The following PDCD6IP variants were observed in gnomAD, a reference collection of about 807,000 sequenced individuals.
PDCD6IP encodes the protein programmed cell death 6-interacting protein.
A neutral mutation model predicts 103.7 loss-of-function variants in PDCD6IP; 43 were observed. The ratio of observed to expected loss-of-function variants is 0.41; its 90% CI spans 0.32 to 0.53. The LOEUF (loss-of-function observed/expected upper bound fraction) is 0.53, where lower values mean the gene tolerates loss of function less well. Among genes scored for constraint, PDCD6IP ranks in the 20% least tolerant of loss-of-function variants. The pLI, the probability that PDCD6IP is intolerant of heterozygous loss-of-function variation, is 0.16. For missense variants in PDCD6IP, 871 were observed against 1,036.7 expected, an observed-to-expected ratio of 0.84 and a Z score of 2.20; for synonymous variants, 354 against 378.7, an observed-to-expected ratio of 0.93 and a Z score of 0.76.
chr3:33,840,978 C>T (rs1208548720), intron 9 of PDCD6IP, among the ~76,000 whole-genome samples: 3 of 151,082 alleles, frequency 2.0e-5, no homozygotes, highest in Non-Finnish European at 4.4e-5. Context: ...TGTAAGCCGA[C>T]GATACCTAAT....
chr3:33,863,944 A>G, intron 15 of PDCD6IP, 62 bp from the exon 16 acceptor site: 1 of 1,059,874 alleles, frequency 9.4e-7, no homozygotes, highest in East Asian at 2.4e-5. Flanking sequence ...AGAAAAGCTG[A>G]TATTTTATGT....
chr3:33,867,109 T>A lies in PDCD6IP; in HGVS notation c.*584T>A, dbSNP rs1426223007. ...ATATAAGTTAAACAGATACTGTTTT[T>A]AAGTGCATGAATAGTACAAGTTATT... On this transcript the variant is annotated 3_prime_UTR_variant, in exon 18 of 18. Transcript: ENST00000307296. 6.6e-6 allele frequency: 1 copy of A among 152,200 alleles called. No individual in the cohort carries two copies. The highest frequency in any genetic ancestry group is 2.4e-5 in the African/African-American group (1 of 41,446). 9.4% of individuals were successfully genotyped at this position (152,200 alleles called of 1,614,324 possible).
chr3:33,816,005 T>C (rs918791726), intron 3 of PDCD6IP, among the ~76,000 whole-genome samples: 2 of 152,162 alleles, frequency 1.3e-5, no homozygotes, highest in Non-Finnish European at 2.9e-5. Context: ...AGCTTTCATA[T>C]CTTACAGGAA....
In PDCD6IP at chr3:33,799,096, C is replaced by G. The variant is rs1160993130; in HGVS notation, c.209+159C>G. 31 of 709,150 alleles carry G rather than the reference C, an allele frequency of 4.4e-5. No homozygotes were observed. In the East Asian group the frequency reaches 4.7e-4, roughly 11 times the overall value. The allele number at this position is 709,150 out of a possible 1,614,324, so 43.9% of individuals were successfully genotyped here. On this transcript the variant is annotated intron_variant, in intron 1 of 17. Coordinates refer to ENST00000307296, the MANE Select transcript of PDCD6IP (RefSeq NM_013374.6). ...GTGGTCTGCATTCTTTGCTGGTGAG[C>G]AGGACCCGCCCTGCAGGCCCGCTGT...
chr3:33,816,823 A>T (rs1427844741), intron 3 of PDCD6IP, among the ~76,000 whole-genome samples: 5 of 152,176 alleles, frequency 3.3e-5, no homozygotes, highest in African/African-American at 4.8e-5. Context: ...GATTTTTAGT[A>T]TTGTTATGAC....
At position 33,867,814 on chromosome 3, in the gene PDCD6IP, A is replaced by AT. The variant is rs1259399115; in HGVS notation, c.*1292dup. 2 of 152,104 alleles carry AT rather than the reference A, an allele frequency of 1.3e-5. No individual in the cohort carries two copies. The highest frequency in any genetic ancestry group is 4.8e-5 in the African/African-American group (2 of 41,416). The allele number at this position is 152,104 out of a possible 1,614,324, so 9.4% of individuals were successfully genotyped here. ...ATATGAGCAGATTTCCAGTGAATCT[A>AT]TTTATGTTTATTTTCTGAGTTTCAA... On this transcript the variant is annotated 3_prime_UTR_variant, in exon 18 of 18. Transcript: ENST00000307296.
chr3:33,833,373 T>C (rs772606214), intron 7 of PDCD6IP, among the ~76,000 whole-genome samples: 2 of 152,068 alleles, frequency 1.3e-5, no homozygotes, highest in Non-Finnish European at 2.9e-5. Flanking sequence ...AAATCTTTAA[T>C]TTGTAACAGC....
Position 33,814,879 on chromosome 3 carries a change from CAT to C in PDCD6IP, c.334+1258_334+1259del, listed in dbSNP as rs904056664. Among the ~76,000 whole-genome samples the C allele has an allele frequency of 9.7e-5, 14 of 144,052 alleles. 1 individual carries two copies. In the Middle Eastern group the frequency reaches 0.029, roughly 303 times the overall value. 94.5% of individuals were successfully genotyped at this position (144,052 alleles called of 152,430 possible). A position where few individuals can be genotyped will look rare whatever the true frequency, so the allele number is the denominator to read the frequency against. Reference sequence around the variant, plus strand: ...ATACATATATGTATATACATATATACATATATATTCATGTACACATATACATA... The same window carrying C: ...ATACATATATGTATATACATATATACATATATTCATGTACACATATACATA... On this transcript the variant is annotated intron_variant, in intron 3 of 17. Coordinates refer to ENST00000307296, the MANE Select transcript of PDCD6IP (RefSeq NM_013374.6).
chr3:33,800,289 T>A (rs1301903815), intron 1 of PDCD6IP, among the ~76,000 whole-genome samples: 2 of 152,148 alleles, frequency 1.3e-5, no homozygotes, highest in Non-Finnish European at 2.9e-5. Context: ...GTAATAACAA[T>A]CGTCCGCAAC....
intron 2 of PDCD6IP, among the ~76,000 whole-genome samples, chr3:33,812,379 A>G (rs558868361): frequency 1.4e-4 from 21 of 152,310 alleles, no homozygotes; most frequent in African/African-American, 5.1e-4. Context: ...TGTCAGTAGG[A>G]TCTGTTGACT....
intron 15 of PDCD6IP, among the ~76,000 whole-genome samples, chr3:33,858,840 T>G (rs1017474956): frequency 1.3e-5 from 2 of 151,794 alleles, no homozygotes; most frequent in Admixed American, 6.6e-5. Flanking sequence ...ACAAAAGAAA[T>G]AAACATGCAT....
rs1697538140 is a variant in PDCD6IP at position 33,844,154 on chromosome 3, T to A, written c.1402T>A (p.Leu468Ile). Residue 468 changes from leucine (L) to isoleucine (I), a missense_variant, in exon 11 of 18, where the codon TTA becomes ATA. This residue lies in a region of PDCD6IP where 266 missense variants were observed against 390.5 expected (regional missense o/e 0.68). Transcript: ENST00000307296. Reference sequence around the variant, plus strand: ...TGAAGAAGAAGCAACCGATAATGATTTAAGAGCAAAATTTAAGGAACGTTG... The same window carrying A: ...TGAAGAAGAAGCAACCGATAATGATATAAGAGCAAAATTTAAGGAACGTTG... ...LDEEEATDND[L>I]RAKFKERWQR... The A allele has an allele frequency of 1.2e-6, 2 of 1,608,666 alleles. No homozygotes were observed. Among genetic ancestry groups the A allele is most frequent in the Non-Finnish European group, 1.7e-6 (2 of 1,178,808 alleles).
intron 3 of PDCD6IP, 123 bp downstream of exon 3, chr3:33,813,751 CT>C: frequency 1.6e-6 from 1 of 640,140 alleles, no homozygotes; most frequent in Non-Finnish European, 2.8e-6. Context: ...ATTTCATTCT[CT>C]TTTTAGCTTC....
chr3:33,811,784 A>C (rs1696724354), intron 1 of PDCD6IP, among the ~76,000 whole-genome samples: 2 of 152,272 alleles, frequency 1.3e-5, no homozygotes, highest in African/African-American at 4.8e-5. Context: ...AGTAAGAAAT[A>C]GTATTTTTAA....
chr3:33,829,820 C>A (rs1178916951), intron 7 of PDCD6IP, among the ~76,000 whole-genome samples: 1 of 152,102 alleles, frequency 6.6e-6, no homozygotes, highest in East Asian at 1.9e-4. Context: ...AAATTTGTCA[C>A]AATTCTGAAG....
intron 1 of PDCD6IP, among the ~76,000 whole-genome samples, chr3:33,808,857 C>G (rs191957558): frequency 1.3e-4 from 20 of 152,288 alleles, no homozygotes; most frequent in African/African-American, 4.8e-4. Flanking sequence ...TCTTTGACTT[C>G]ATCACTTACT....
intron 1 of PDCD6IP, among the ~76,000 whole-genome samples, chr3:33,801,471 A>G (rs543702623): frequency 4.4e-4 from 67 of 152,282 alleles, no homozygotes; most frequent in Non-Finnish European, 6.5e-4. Flanking sequence ...TAAAATATAC[A>G]TTTATGCATA....
chr3:33,799,069 G>C, intron 1 of PDCD6IP, 132 bp downstream of exon 1: 1 of 868,114 alleles, frequency 1.2e-6, no homozygotes. Context: ...AGGCGCGTAG[G>C]TGTGGTCTGC....
At chr3:33,856,920 T>C (rs1462178550) in intron 15 of PDCD6IP, among the ~76,000 whole-genome samples, 1 of 152,104 alleles carries the variant, frequency 6.6e-6, no homozygotes, top group Non-Finnish European at 1.5e-5. Flanking sequence ...CATATATTCA[T>C]TAGTAATAAA....
Sources: gnomAD v4.1 joint callset for allele counts (sites outside exome capture counted in the v4.1 genomes callset) on GRCh38, gnomAD v4.1.1 for gene constraint, gnomAD v4.1.1 regional missense constraint, MANE v1.5 for transcripts, NCBI Gene and HGNC (gene_info 2026-07-23, HGNC 2026-07-21) for gene names.